The following SLC27A1 variants were observed in gnomAD, a reference collection of about 807,000 sequenced individuals.
The protein encoded by SLC27A1 is long-chain fatty acid transport protein 1.
In SLC27A1, 61 loss-of-function variants were observed where a neutral mutation model predicts 62.2. The observed-to-expected ratio is 0.98, with a 90% CI of 0.80 to 1.21. The LOEUF (loss-of-function observed/expected upper bound fraction) is 1.21, where lower values mean the gene tolerates loss of function less well. SLC27A1 is among the 50% of genes most tolerant of loss of function. The pLI is 0.00. For synonymous variants in SLC27A1, 435 were observed against 408.6 expected (o/e 1.06, Z -0.78); for missense variants, 903 against 932.1 (o/e 0.97, Z 0.41).
At chr19:17,476,050 C>T (rs945634019) in intron 1 of SLC27A1, among the ~76,000 whole-genome samples, 1 of 152,172 alleles carries the variant, frequency 6.6e-6, no homozygotes, top group Non-Finnish European at 1.5e-5. Flanking sequence ...CCAACTGTGG[C>T]CTCAGTTCCT....
intron 7 of SLC27A1, chr19:17,497,731 A>G: frequency 2.1e-6 from 1 of 486,700 alleles, no homozygotes; most frequent in Non-Finnish European, 3.7e-6. Flanking sequence ...CGCCCTGGCA[A>G]GTGCCTCAGC....
intron 4 of SLC27A1, among the ~76,000 whole-genome samples, chr19:17,487,897 C>G (rs1430202644): frequency 6.6e-6 from 1 of 151,880 alleles, no homozygotes; most frequent in East Asian, 1.9e-4. Flanking sequence ...TTCCATGCCC[C>G]CCATCTGGAC....
intron 6 of SLC27A1, among the ~76,000 whole-genome samples, chr19:17,490,793 T>G (rs2075286594): frequency 6.6e-6 from 1 of 152,118 alleles, no homozygotes; most frequent in South Asian, 2.1e-4. Context: ...TTCGGGAGGC[T>G]GAGATGGGCA....
chr19:17,504,368 G>A (rs2075451884), intron 11 of SLC27A1, 87 bp from the exon 12 acceptor site: 2 of 1,484,854 alleles, frequency 1.3e-6, no homozygotes, highest in Non-Finnish European at 1.9e-6. Context: ...CCTGTGGGAA[G>A]GTCCAGAGGT....
chr19:17,472,303 G>A (rs2075084133), intron 1 of SLC27A1, among the ~76,000 whole-genome samples: 1 of 151,520 alleles, frequency 6.6e-6, no homozygotes, highest in South Asian at 2.1e-4. Flanking sequence ...GCTGAGGCAG[G>A]AGAATGGTGT....
At chr19:17,502,841 A>G (rs2075432391) in intron 11 of SLC27A1, among the ~76,000 whole-genome samples, 1 of 151,020 alleles carries the variant, frequency 6.6e-6, no homozygotes, top group African/African-American at 2.5e-5. Context: ...AGGCACCACC[A>G]TGCCTGACTA....
At chr19:17,469,522 G>A (rs1055732989), upstream of SLC27A1, among the ~76,000 whole-genome samples, 1 of 152,178 alleles carries the variant, frequency 6.6e-6, no homozygotes, top group African/African-American at 2.4e-5. Context: ...TTTCCTAAAA[G>A]GAGAGGGGGT....
chr19:17,481,440 C>A (rs2075177658), intron 1 of SLC27A1, among the ~76,000 whole-genome samples: 1 of 151,754 alleles, frequency 6.6e-6, no homozygotes, highest in African/African-American at 2.4e-5. Context: ...CCTCAGCCTC[C>A]TGAGTAGCTG....
In SLC27A1 at chr19:17,500,594, A is replaced by T. The variant is rs1256857413; in HGVS notation, c.1433A>T (p.His478Leu). 2 of 1,613,668 alleles carry T rather than the reference A, an allele frequency of 1.2e-6. No homozygotes were observed. Among genetic ancestry groups the T allele is most frequent in the Middle Eastern group, 1.6e-4 (1 of 6,084 alleles). ...AGCGCCACCAGCAAGAAGATCGCCC[A>T]CAGCGTCTTCAGCAAGGGCGACAGC... is the stretch of plus-strand genomic sequence containing the variant. Reference protein sequence around the residue: ...SESATSKKIAHSVFSKGDSAY... With the variant: ...SESATSKKIALSVFSKGDSAY... The change falls in exon 9 of 12, where the codon CAC becomes CTC. Residue 478 changes from histidine (H) to leucine (L), a missense_variant. Physicochemically the swap from His to Leu is moderately conservative, Grantham distance 99. Transcript: ENST00000252595.
chr19:17,495,485 T>C (rs2144603011), intron 6 of SLC27A1: 1 of 151,938 alleles, frequency 6.6e-6, no homozygotes, highest in Non-Finnish European at 1.5e-5. Flanking sequence ...GGTTTCACCA[T>C]GTTAGCCAGG....
chr19:17,471,611 T>C (rs1446643354), intron 1 of SLC27A1, among the ~76,000 whole-genome samples: 1 of 152,102 alleles, frequency 6.6e-6, no homozygotes, highest in Admixed American at 6.6e-5. Flanking sequence ...GAGCGCCGGC[T>C]AGCGGGGCAG....
Position 17,504,626 on chromosome 19 carries a change from C to T in SLC27A1, c.*14C>T, listed in dbSNP as rs1175605127. On this transcript the variant is annotated 3_prime_UTR_variant, in exon 12 of 12. Coordinates refer to ENST00000252595, the MANE Select transcript of SLC27A1 (RefSeq NM_198580.3). ...TTCGCCCTCTGAAGCTGTTCCTCTA[C>T]TGGCCACAAACTCTGGGCCTGGTGG... is the stretch of plus-strand genomic sequence containing the variant. 1 of 1,613,820 alleles carries T rather than the reference C, an allele frequency of 6.2e-7. No individual in the cohort carries two copies. Among genetic ancestry groups the T allele is most frequent in the Non-Finnish European group, 8.5e-7 (1 of 1,179,988 alleles).
intron 1 of SLC27A1, among the ~76,000 whole-genome samples, chr19:17,476,235 G>A (rs1413289187): frequency 6.6e-6 from 1 of 152,048 alleles, no homozygotes; most frequent in Non-Finnish European, 1.5e-5. Flanking sequence ...GCAGAATTGG[G>A]TGTATACTAG....
At chr19:17,502,852 A>AT (rs895429529) in intron 11 of SLC27A1, among the ~76,000 whole-genome samples, 6 of 151,746 alleles carry the variant, frequency 4.0e-5, no homozygotes, top group Non-Finnish European at 5.9e-5. Flanking sequence ...TGCCTGACTA[A>AT]TTTTTTTGAT....
Position 17,500,336 on chromosome 19 carries a change from T to C in SLC27A1, c.1265T>C (p.Val422Ala), listed in dbSNP as rs1486276945. The C allele has an allele frequency of 2.5e-6, 4 of 1,614,162 alleles. No individual in the cohort carries two copies. The South Asian group carries it at 4.4e-5, about 18-fold the overall frequency. Residue 422 changes from valine to alanine, a missense_variant, in exon 8 of 12, where the codon GTG becomes GCG. Val to Ala is a moderately conservative substitution (Grantham distance 64). Transcript: ENST00000252595. Reference sequence around the variant, plus strand: ...CCCCACGTGTACCCCATCCGGCTGGTGAAGGTCAATGAGGACACAATGGAG... The same window carrying C: ...CCCCACGTGTACCCCATCCGGCTGGCGAAGGTCAATGAGGACACAATGGAG... ...ILPHVYPIRL[V>A]KVNEDTMELL...
chr19:17,470,222 T>G (rs1479258951), upstream of SLC27A1, among the ~76,000 whole-genome samples: 1 of 150,468 alleles, frequency 6.6e-6, no homozygotes, highest in African/African-American at 2.5e-5. Context: ...CTCAAAAATA[T>G]GGAATAGAGC....
chr19:17,486,564 G>C lies in SLC27A1; in HGVS notation c.169G>C (p.Gly57Arg). Residue 57 changes from glycine to arginine, a missense_variant and splice_region_variant, in exon 2 of 12, where the codon GGT becomes CGT. Gly to Arg is a moderately radical substitution (Grantham distance 125, BLOSUM62 -2). Transcript: ENST00000252595. This position sits in a 1 kb window ranked among gnomAD's most constrained non-coding sequence, Gnocchi z 6.6. ...VCKTARRDLF[G>R]LSVLIRVRLE... ...TGTCCCCTCCGTCCTCCCTCCCAGC[G>C]GTCTCTCTGTGCTGATCCGCGTGCG... is the stretch of plus-strand genomic sequence containing the variant. 1.3e-6 allele frequency: 2 copies of C among 1,578,004 alleles called. No homozygotes were observed. The highest frequency in any genetic ancestry group is 1.7e-6 in the Non-Finnish European group (2 of 1,169,306).
At chr19:17,501,034 G>A (rs1050485341) in intron 10 of SLC27A1, 158 bp downstream of exon 10, 1 of 1,084,378 alleles carries the variant, frequency 9.2e-7, no homozygotes, top group Non-Finnish European at 1.3e-6. Context: ...AGTTCACCTG[G>A]GTGATGTTGA....
intron 11 of SLC27A1, among the ~76,000 whole-genome samples, chr19:17,504,068 A>G (rs767389268): frequency 1.3e-5 from 2 of 151,950 alleles, no homozygotes; most frequent in African/African-American, 2.4e-5. Flanking sequence ...TATAGGCATG[A>G]GCCATTATTG....
Sources: allele counts gnomAD v4.1 joint callset (sites outside exome capture counted in the v4.1 genomes callset), GRCh38; gene constraint gnomAD v4.1.1; non-coding constraint Gnocchi (gnomAD v3.1); transcripts MANE v1.5; gene names NCBI Gene and HGNC (gene_info 2026-07-23, HGNC 2026-07-21).